NEXMIF: variants seen among roughly 807,000 people sequenced by gnomAD.
NEXMIF encodes the protein neurite extension and migration factor, also known as XLMR protein related to neurite extension.
Under a neutral mutation model 62.1 loss-of-function variants are expected in NEXMIF, and 8 were observed. That is an observed-to-expected ratio of 0.13 (90% confidence interval 0.08 to 0.23). The LOEUF is 0.23. Ranked by LOEUF, NEXMIF falls within the 10% of genes least tolerant of loss-of-function variation. The pLI, the probability that NEXMIF is intolerant of heterozygous loss-of-function variation, is 1.00. For synonymous variants in NEXMIF, 404 were observed against 416.6 expected (o/e 0.97, Z 0.37); for missense variants, 976 against 1,113.3 (o/e 0.88, Z 1.75).
chrX:74,881,212 AG>A (rs1169539436), intron 1 of NEXMIF, among the ~76,000 whole-genome samples: 3 of 111,516 alleles, frequency 2.7e-5, no homozygotes. Flanking sequence ...CTGTGTTTTC[AG>A]GCATGTGTGC....
chrX:74,836,288 T>C (rs1011231632), intron 1 of NEXMIF, among the ~76,000 whole-genome samples: 2 of 112,774 alleles, frequency 1.8e-5, no homozygotes, highest in African/African-American at 6.4e-5. Flanking sequence ...TACCCCACTT[T>C]GGTCAAGTTG....
chrX:74,794,527 T>C (rs1285133426), intron 1 of NEXMIF, among the ~76,000 whole-genome samples: 1 of 112,131 alleles, frequency 8.9e-6, no homozygotes, highest in African/African-American at 3.2e-5. Context: ...CCCGGCTGCT[T>C]TGTTTACCTT....
In NEXMIF at chrX:74,741,313, G is replaced by C. The variant is rs2080102486; in HGVS notation, c.3244C>G (p.Gln1082Glu). 8.3e-7 allele frequency: 1 copy of C among 1,209,258 alleles called. No individual in the cohort carries two copies. Among genetic ancestry groups the C allele is most frequent in the Admixed American group, 2.2e-5 (1 of 45,614 alleles). ...TTCATACTCTCACATCTGGTAATTT[G>C]AGGGGAAAGACTAGGGGTGTCCGGT... Reference protein sequence around the residue: ...SPPDTPSLSPQITRCESMKTL... With the variant: ...SPPDTPSLSPEITRCESMKTL... The change falls in exon 3 of 4, where the codon CAA becomes GAA. Residue 1082 changes from glutamine to glutamate, a missense_variant. Coordinates refer to ENST00000055682, the MANE Select transcript of NEXMIF (RefSeq NM_001008537.3).
intron 1 of NEXMIF, among the ~76,000 whole-genome samples, chrX:74,900,525 T>C (rs762305717): frequency 9.3e-6 from 1 of 107,952 alleles, no homozygotes; most frequent in South Asian, 4.1e-4. Flanking sequence ...CAAATGTTGG[T>C]GAGGATCTGA....
At chrX:74,864,583 G>A (rs973334991) in intron 1 of NEXMIF, among the ~76,000 whole-genome samples, 24 of 112,301 alleles carry the variant, frequency 2.1e-4, no homozygotes, top group Admixed American at 2.0e-3. Context: ...GCTCTTGCCT[G>A]CTGCCATGTA....
chrX:74,908,716 C>T (rs926326442), intron 1 of NEXMIF, among the ~76,000 whole-genome samples: 2 of 112,456 alleles, frequency 1.8e-5, no homozygotes, highest in Admixed American at 1.9e-4. Flanking sequence ...ACACAACCAC[C>T]CACCCCACAG....
At chrX:74,796,703 G>C (rs1179443754) in intron 1 of NEXMIF, among the ~76,000 whole-genome samples, 1 of 111,225 alleles carries the variant, frequency 9.0e-6, no homozygotes, top group Non-Finnish European at 1.9e-5. Context: ...GGTAGTATCG[G>C]ATTAAAGCCC....
chrX:74,744,591 C>G (rs1332594378), intron 2 of NEXMIF, 114 bp from the exon 3 acceptor site: 2 of 450,565 alleles, frequency 4.4e-6, no homozygotes, highest in East Asian at 3.7e-5. Flanking sequence ...ATAAGCTAAG[C>G]CTTCACATCT....
rs768650544 is a variant in NEXMIF at position 74,888,107 on chromosome X, G to T, written c.-48+36776C>A. On this transcript the variant is annotated intron_variant, in intron 1 of 3. Coordinates refer to ENST00000055682, the MANE Select transcript of NEXMIF (RefSeq NM_001008537.3). Reference sequence around the variant, plus strand: ...TGAAGAATGAGAACACATGGACACAGGAAGGGGAACATCACACACCTGGGA... The same window carrying T: ...TGAAGAATGAGAACACATGGACACATGAAGGGGAACATCACACACCTGGGA... Among the ~76,000 whole-genome samples, 36 of 109,793 alleles carry T rather than the reference G, an allele frequency of 3.3e-4. No individual in the cohort carries two copies. The East Asian group carries it at 3.7e-3, about 11-fold the overall frequency.
At chrX:74,909,795 C>T in intron 1 of NEXMIF, among the ~76,000 whole-genome samples, 1 of 111,738 alleles carries the variant, frequency 8.9e-6, no homozygotes, top group East Asian at 2.8e-4. Context: ...GAATTTGGTG[C>T]CTTGTGTCTC....
intron 1 of NEXMIF, among the ~76,000 whole-genome samples, chrX:74,852,388 G>A (rs764415742): frequency 6.9e-4 from 77 of 111,387 alleles, no homozygotes; most frequent in East Asian, 1.7e-3. Flanking sequence ...TCAACACTCC[G>A]CTCACAGCAT....
intron 1 of NEXMIF, among the ~76,000 whole-genome samples, chrX:74,807,084 T>G (rs1452274072): frequency 8.9e-6 from 1 of 112,528 alleles, no homozygotes; most frequent in Non-Finnish European, 1.9e-5. Context: ...CAAAATAACT[T>G]ACTGGGATTT....
chrX:74,883,636 T>C (rs898805387), intron 1 of NEXMIF, among the ~76,000 whole-genome samples: 2 of 111,856 alleles, frequency 1.8e-5, no homozygotes, highest in African/African-American at 3.3e-5. Context: ...CCAAGAAATA[T>C]GGGACTATGT....
At chrX:74,869,336 G>T (rs916281602) in intron 1 of NEXMIF, among the ~76,000 whole-genome samples, 1 of 111,338 alleles carries the variant, frequency 9.0e-6, no homozygotes, top group Non-Finnish European at 1.9e-5. Context: ...AATAATAAAA[G>T]CCATCTATGA....
At chrX:74,811,603 G>A (rs895760772) in intron 1 of NEXMIF, among the ~76,000 whole-genome samples, 3 of 112,637 alleles carry the variant, frequency 2.7e-5, no homozygotes, top group Non-Finnish European at 5.6e-5. Context: ...CTAGACTGAA[G>A]AGACTAGCAG....
At chrX:74,867,228 C>T (rs905262303) in intron 1 of NEXMIF, among the ~76,000 whole-genome samples, 4 of 111,894 alleles carry the variant, frequency 3.6e-5, no homozygotes, top group Non-Finnish European at 7.5e-5. Flanking sequence ...AGATTCCACG[C>T]TATTACCATT....
At chrX:74,854,146 T>C (rs1275660623) in intron 1 of NEXMIF, among the ~76,000 whole-genome samples, 2 of 111,498 alleles carry the variant, frequency 1.8e-5, no homozygotes, top group Non-Finnish European at 3.8e-5. Context: ...CAGGCCAATA[T>C]CCCTGATGAA....
chrX:74,748,594 G>C (rs190183474), intron 1 of NEXMIF, among the ~76,000 whole-genome samples: 27 of 112,153 alleles, frequency 2.4e-4, no homozygotes, highest in African/African-American at 8.1e-4. Context: ...AAATTGCTTT[G>C]CTGATCACAG....
At chrX:74,749,765 A>C (rs748346193) in intron 1 of NEXMIF, among the ~76,000 whole-genome samples, 9 of 111,215 alleles carry the variant, frequency 8.1e-5, no homozygotes, top group Non-Finnish European at 1.7e-4. Context: ...TGTGTTTATC[A>C]TCTTATACAA....
Sources: gnomAD v4.1 joint callset for allele counts (sites outside exome capture counted in the v4.1 genomes callset) on GRCh38, gnomAD v4.1.1 for gene constraint, MANE v1.5 for transcripts, NCBI Gene and HGNC (gene_info 2026-07-23, HGNC 2026-07-21) for gene names.